Variants in DIO2 observed in about 807,000 individuals in gnomAD.
The protein encoded by DIO2 is iodothyronine deiodinase 2, also known as type II iodothyronine deiodinase.
Under a neutral mutation model 21.4 loss-of-function variants are expected in DIO2, and 19 were observed. The ratio of observed to expected loss-of-function variants is 0.89; its 90% CI spans 0.62 to 1.30. DIO2 has a LOEUF of 1.30. Among genes scored for constraint, DIO2 ranks in the 50% most tolerant of loss-of-function variants. The probability of loss-of-function intolerance (pLI) is 0.00; values close to 1 mark genes in which losing one functional copy is unlikely to be tolerated. For missense variants in DIO2, 302 were observed against 338.1 expected (o/e 0.89, Z 0.84); for synonymous variants, 122 against 132.9 (o/e 0.92, Z 0.57).
rs1183559244 is a variant in DIO2, at chr14:80,203,248, T to C, written c.263A>G (p.His88Arg). 6.2e-7 allele frequency: 1 copy of C among 1,600,410 alleles called. No homozygotes were observed. Among genetic ancestry groups the C allele is most frequent in the Non-Finnish European group, 8.5e-7 (1 of 1,174,996 alleles). The change falls in exon 2 of 2, where the codon CAT (histidine) becomes CGT (arginine). Residue 88 changes from histidine (H) to arginine (R), a missense_variant. Transcript: ENST00000438257. ...GTCACCTCCTTCTGTACTGGAGACATGCACCACACTGGAATTGGGGGCATC... is the reference window on the plus strand; with the variant it reads ...GTCACCTCCTTCTGTACTGGAGACACGCACCACACTGGAATTGGGGGCATC... ...GEDAPNSSVV[H>R]VSSTEGGDNS...
At chr14:80,214,253 G>A (rs1397306994), upstream of DIO2, among the ~76,000 whole-genome samples, 1 of 152,142 alleles carries the variant, frequency 6.6e-6, no homozygotes, top group Admixed American at 6.5e-5. Context: ...AATTAAACCA[G>A]TGCTCCCCTG....
At chr14:80,223,667 T>C (rs1354350364) in intron 2 of DIO2, among the ~76,000 whole-genome samples, 33 of 152,182 alleles carry the variant, frequency 2.2e-4, no homozygotes. Flanking sequence ...AATTATACAA[T>C]TTTAGAGTAG....
rs760072299 is a variant in DIO2 at position 80,201,819 on chromosome 14, A to T, written c.*870T>A. 6.6e-6 allele frequency: 1 copy of T among 152,244 alleles called. No homozygotes were observed. Among genetic ancestry groups the T allele is most frequent in the Admixed American group, 6.5e-5 (1 of 15,284 alleles). 9.4% of individuals were successfully genotyped at this position (152,244 alleles called of 1,614,324 possible). A position where few individuals can be genotyped will look rare whatever the true frequency, so the allele number is the denominator to read the frequency against. On this transcript the variant is annotated 3_prime_UTR_variant, in exon 2 of 2. Transcript: ENST00000438257. ...CTCTCTAGGAGCATATGACAAATATATTGTTTTTATATGTGTATTCTCTAT... is the reference window on the plus strand; with the variant it reads ...CTCTCTAGGAGCATATGACAAATATTTTGTTTTTATATGTGTATTCTCTAT...
chr14:80,198,036 A>T lies in DIO2; in HGVS notation c.*4653T>A, dbSNP rs908525647. On this transcript the variant is annotated 3_prime_UTR_variant, in exon 2 of 2. Transcript: ENST00000438257. ...CCCAATCCTAATACACATAAAAACC[A>T]CGCTGACCAGTGACATGGGCCTGGA... 1 of 152,580 alleles carries T rather than the reference A, an allele frequency of 6.6e-6. No homozygotes were observed. The highest frequency in any genetic ancestry group is 2.4e-5 in the African/African-American group (1 of 41,422). 9.5% of individuals were successfully genotyped at this position (152,580 alleles called of 1,614,324 possible).
upstream of DIO2, among the ~76,000 whole-genome samples, chr14:80,216,393 A>C (rs963403016): frequency 6.7e-6 from 1 of 149,904 alleles, no homozygotes; most frequent in Admixed American, 6.6e-5. Context: ...GAGGCCACAG[A>C]ACAGCTGTTA....
chr14:80,219,504 C>CTTTTTTTTTT (rs1566666996), intron 2 of DIO2: 2 of 142,026 alleles, frequency 1.4e-5, no homozygotes, highest in Non-Finnish European at 1.5e-5. Context: ...AACTGTAAGT[C>CTTTTTTTTTT]ATTTTTTTTT....
chr14:80,211,689 G>A, upstream of DIO2: 1 of 336,558 alleles, frequency 3.0e-6, no homozygotes, highest in Non-Finnish European at 5.5e-6. Context: ...CTCCAGCCCA[G>A]CAGTTGGAGT....
Position 80,198,226 on chromosome 14 carries a change from T to C in DIO2, c.*4463A>G, listed in dbSNP as rs1465586762. The C allele has an allele frequency of 3.9e-5, 6 of 152,600 alleles. No individual in the cohort carries two copies. The highest frequency in any genetic ancestry group is 1.2e-4 in the African/African-American group (5 of 41,440). 9.5% of individuals were successfully genotyped at this position (152,600 alleles called of 1,614,324 possible). A position where few individuals can be genotyped will look rare whatever the true frequency, so the allele number is the denominator to read the frequency against. ...TGGGTCTTCGAAGTCTCAGTAAATA[T>C]TGAATAAGCTCCCTGGAGCTCTGCT... On this transcript the variant is annotated 3_prime_UTR_variant, in exon 2 of 2. Coordinates refer to ENST00000438257, the MANE Select transcript of DIO2 (RefSeq NM_013989.5).
chr14:80,211,636 T>C (rs774025822), upstream of DIO2: 100 of 580,964 alleles, frequency 1.7e-4, no homozygotes, highest in Non-Finnish European at 2.7e-4. Context: ...CCAAGTTGTC[T>C]CCTCTTTCAA....
chr14:80,230,888 TTTA>T (rs1308924673), intron 2 of DIO2: 3 of 151,836 alleles, frequency 2.0e-5, no homozygotes, highest in Non-Finnish European at 2.9e-5. Flanking sequence ...CAAAGGAGAG[TTTA>T]TTATCTTACA....
rs75505054 is a variant in DIO2, at chr14:80,223,941, G to A, written c.-277-7204C>T. 3.8e-3 allele frequency among the ~76,000 whole-genome samples: 579 copies of A among 152,240 alleles called. 6 individuals carry two copies. Among genetic ancestry groups the A allele is most frequent in the African/African-American group, 0.013 (535 of 41,540 alleles). On this transcript the variant is annotated intron_variant, in intron 2 of 4. Transcript: ENST00000553594. ...AACAAAGTAACAGTAAGGAAATACC[G>A]ATTATATCACAGGCCACCAAGCAAG...
intron 1 of DIO2, among the ~76,000 whole-genome samples, chr14:80,208,481 A>G (rs764135802): frequency 2.8e-4 from 43 of 152,196 alleles, no homozygotes; most frequent in Non-Finnish European, 6.2e-4. Context: ...CTTTCTCTAC[A>G]TATCTTTCCA....
intron 1 of DIO2, among the ~76,000 whole-genome samples, chr14:80,209,510 T>A (rs1401659631): frequency 6.6e-6 from 1 of 152,184 alleles, no homozygotes; most frequent in Non-Finnish European, 1.5e-5. Flanking sequence ...ATGTCTGATA[T>A]ACTTGTGTAC....
At position 80,198,222 on chromosome 14, in the gene DIO2, A is replaced by T. The variant is rs1887559395; in HGVS notation, c.*4467T>A. On this transcript the variant is annotated 3_prime_UTR_variant, in exon 2 of 2. Transcript: ENST00000438257. Reference sequence around the variant, plus strand: ...CTGCTGGGTCTTCGAAGTCTCAGTAAATATTGAATAAGCTCCCTGGAGCTC... The same window carrying T: ...CTGCTGGGTCTTCGAAGTCTCAGTATATATTGAATAAGCTCCCTGGAGCTC... 1 of 152,582 alleles carries T rather than the reference A, an allele frequency of 6.6e-6. No homozygotes were observed. Among genetic ancestry groups the T allele is most frequent in the Non-Finnish European group, 1.5e-5 (1 of 68,042 alleles). The allele number at this position is 152,582 out of a possible 1,614,324, so 9.5% of individuals were successfully genotyped here.
At chr14:80,205,224 G>T (rs1012861769) in intron 1 of DIO2, among the ~76,000 whole-genome samples, 3 of 151,994 alleles carry the variant, frequency 2.0e-5, no homozygotes, top group Admixed American at 2.0e-4. Flanking sequence ...TCTAGGTAGT[G>T]GGTAGCAGTC....
At chr14:80,224,734 T>C (rs1268653913) in intron 2 of DIO2, among the ~76,000 whole-genome samples, 2 of 152,200 alleles carry the variant, frequency 1.3e-5, no homozygotes, top group Non-Finnish European at 2.9e-5. Flanking sequence ...TTTAAACTGT[T>C]GAACACAAGC....
At chr14:80,206,525 A>G (rs1887964690) in intron 1 of DIO2, among the ~76,000 whole-genome samples, 2 of 152,106 alleles carry the variant, frequency 1.3e-5, no homozygotes, top group African/African-American at 2.4e-5. Flanking sequence ...CCCTGCTGAG[A>G]CAGGCTGGGA....
At chr14:80,230,690 T>G (rs923918301) in intron 2 of DIO2, among the ~76,000 whole-genome samples, 1 of 152,188 alleles carries the variant, frequency 6.6e-6, no homozygotes, top group Non-Finnish European at 1.5e-5. Context: ...CTATCACTGT[T>G]CTTCACACTA....
chr14:80,211,404 G>C lies in DIO2; in HGVS notation c.69C>G (p.Leu23=). Residue 23 remains leucine, a synonymous_variant, in exon 1 of 2, where the codon CTC becomes CTG. Coordinates refer to ENST00000438257, the MANE Select transcript of DIO2 (RefSeq NM_013989.5). Reference sequence around the variant, plus strand: ...TGACCGAGTCATAGAGAGCCAGGAAGAGGCAGTTGGAGAAAAAAACTGGCA... The same window carrying C: ...TGACCGAGTCATAGAGAGCCAGGAACAGGCAGTTGGAGAAAAAAACTGGCA... ...QILPVFFSNC[L]FLALYDSVIL... is the part of the protein sequence containing the mutation. 6.2e-7 allele frequency: 1 copy of C among 1,613,528 alleles called. No homozygotes were observed. Among genetic ancestry groups the C allele is most frequent in the South Asian group, 1.1e-5 (1 of 90,998 alleles).
Sources: allele counts gnomAD v4.1 joint callset (sites outside exome capture counted in the v4.1 genomes callset), GRCh38; gene constraint gnomAD v4.1.1; transcripts MANE v1.5; gene names NCBI Gene and HGNC (gene_info 2026-07-23, HGNC 2026-07-21).